Variants in MUSK observed in about 807,000 individuals in gnomAD.
MUSK encodes the protein muscle, skeletal receptor tyrosine-protein kinase.
A neutral mutation model predicts 88.7 loss-of-function variants in MUSK; 55 were observed. The ratio of observed to expected loss-of-function variants is 0.62; its 90% CI spans 0.50 to 0.78. The LOEUF (loss-of-function observed/expected upper bound fraction) is 0.78. Ranked by LOEUF, MUSK falls within the 30% of genes least tolerant of loss-of-function variation. The pLI, the probability that MUSK is intolerant of heterozygous loss-of-function variation, is 0.00. For synonymous variants in MUSK, 387 were observed against 391.9 expected (o/e 0.99, Z 0.15); for missense variants, 1,015 against 1,074.3 (o/e 0.94, Z 0.77).
At chr9:110,712,026 G>C (rs2076678399) in intron 5 of MUSK, among the ~76,000 whole-genome samples, 1 of 152,068 alleles carries the variant, frequency 6.6e-6, no homozygotes, top group South Asian at 2.1e-4. Flanking sequence ...ATCTGGCTCT[G>C]TTTGCACAGT....
intron 12 of MUSK, 37 bp from the exon 13 acceptor site, chr9:110,785,490 C>G (rs770116674): frequency 6.6e-7 from 1 of 1,520,934 alleles, no homozygotes; most frequent in Non-Finnish European, 8.9e-7. Context: ...TAACCTGCTT[C>G]TGAGCTCATT....
chr9:110,737,210 T>C (rs2077041193), intron 6 of MUSK, among the ~76,000 whole-genome samples: 1 of 152,040 alleles, frequency 6.6e-6, no homozygotes, highest in Non-Finnish European at 1.5e-5. Flanking sequence ...AAACCTACCA[T>C]GGATTTTTAT....
At position 110,803,339 on chromosome 9, in the gene MUSK, C is replaced by T. The variant is rs2078121015; in HGVS notation, c.*2351C>T. 6.6e-6 allele frequency among the ~76,000 whole-genome samples: 1 copy of T among 152,170 alleles called. No homozygotes were observed. The highest frequency in any genetic ancestry group is 2.4e-5 in the African/African-American group (1 of 41,452). On this transcript the variant is annotated 3_prime_UTR_variant, in exon 15 of 15. Coordinates refer to ENST00000374448, the MANE Select transcript of MUSK (RefSeq NM_005592.4). ...TTGTTTTGTTTTTGAGACGGAGTCT[C>T]GCTCTGTCGCCCAGGCTGGAGTGCA...
At chr9:110,760,453 T>C (rs1451450979) in intron 7 of MUSK, among the ~76,000 whole-genome samples, 1 of 152,058 alleles carries the variant, frequency 6.6e-6, no homozygotes, top group African/African-American at 2.4e-5. Context: ...AGCAAACTAA[T>C]GCAGGAACAG....
At chr9:110,755,943 TATATATAC>T (rs1317502390) in intron 7 of MUSK, among the ~76,000 whole-genome samples, 17 of 75,518 alleles carry the variant, frequency 2.3e-4, no homozygotes, top group Admixed American at 2.4e-4. Flanking sequence ...CATATATATA[TATATATAC>T]ACATATATAT....
At chr9:110,762,992 G>T (rs1381348466) in intron 8 of MUSK, among the ~76,000 whole-genome samples, 2 of 151,942 alleles carry the variant, frequency 1.3e-5, no homozygotes, top group South Asian at 2.1e-4. Context: ...TCAGAAAATG[G>T]TAAGTATGTG....
At chr9:110,688,530 G>C (rs2076227256) in intron 3 of MUSK, among the ~76,000 whole-genome samples, 1 of 151,960 alleles carries the variant, frequency 6.6e-6, no homozygotes, top group African/African-American at 2.4e-5. Flanking sequence ...GTAAACATGT[G>C]CCATGGTGGT....
rs1055785043 is a variant in MUSK at position 110,669,039 on chromosome 9, T to C, written c.79+56T>C. The C allele has an allele frequency of 1.6e-5, 23 of 1,437,242 alleles. No individual in the cohort carries two copies. In the African/African-American group the frequency reaches 2.9e-4, roughly 18 times the overall value. 89.0% of individuals were successfully genotyped at this position (1,437,242 alleles called of 1,614,324 possible). A position where few individuals can be genotyped will look rare whatever the true frequency, so the allele number is the denominator to read the frequency against. On this transcript the variant is annotated intron_variant, in intron 1 of 14. Transcript: ENST00000374448. ...TCTTGTCATGGTTGTAAAGTGTGTG[T>C]ATATGAGATATGACCAAGACTGATT...
intron 5 of MUSK, among the ~76,000 whole-genome samples, chr9:110,732,080 A>G (rs2076971884): frequency 1.3e-5 from 2 of 152,096 alleles, no homozygotes; most frequent in Non-Finnish European, 2.9e-5. Context: ...CTTTCATTCA[A>G]AAGGCGTTTT....
chr9:110,752,950 G>T (rs1342857312), intron 7 of MUSK, among the ~76,000 whole-genome samples: 1 of 152,088 alleles, frequency 6.6e-6, no homozygotes, highest in Non-Finnish European at 1.5e-5. Flanking sequence ...TTCCCCTCCA[G>T]TCACAACCCC....
intron 3 of MUSK, among the ~76,000 whole-genome samples, chr9:110,690,633 T>G (rs372635981): frequency 6.0e-3 from 46 of 7,638 alleles, no homozygotes; most frequent in Non-Finnish European, 8.0e-3. Context: ...AGTATATATA[T>G]AAATATATAT....
In MUSK at chr9:110,804,496, C is replaced by T. The variant is rs371714447; in HGVS notation, c.*3508C>T. Among the ~76,000 whole-genome samples the T allele has an allele frequency of 4.0e-5, 6 of 151,862 alleles. No homozygotes were observed. The highest frequency in any genetic ancestry group is 3.9e-4 in the East Asian group (2 of 5,184). On this transcript the variant is annotated 3_prime_UTR_variant, in exon 15 of 15. Transcript: ENST00000374448. ...CTTTTTAATTTTATTTTTTAAATTA[C>T]TAGTCAGGTTGAATGTTTCTTGTTC...
In MUSK at chr9:110,690,195, T is replaced by G. The variant is rs1413332662; in HGVS notation, c.358+2927T>G. Reference sequence around the variant, plus strand: ...ATATAAATATATATTTAAGTATATATAAATATATATAAATATATATTTAAG... The same window carrying G: ...ATATAAATATATATTTAAGTATATAGAAATATATATAAATATATATTTAAG... On this transcript the variant is annotated intron_variant, in intron 3 of 14. Transcript: ENST00000374448. Among the ~76,000 whole-genome samples, 4 of 67,648 alleles carry G rather than the reference T, an allele frequency of 5.9e-5. No homozygotes were observed. In the South Asian group the frequency reaches 1.5e-3, roughly 26 times the overall value. The allele number at this position is 67,648 out of a possible 152,430, so 44.4% of individuals were successfully genotyped here.
chr9:110,762,147 C>A, intron 7 of MUSK, 55 bp from the exon 8 acceptor site: 2 of 1,324,602 alleles, frequency 1.5e-6, no homozygotes, highest in Non-Finnish European at 2.0e-6. Context: ...TACTAACGTT[C>A]TTTCTTTTCT....
intron 10 of MUSK, 110 bp from the exon 11 acceptor site, chr9:110,776,522 A>G: frequency 3.5e-6 from 3 of 857,512 alleles, no homozygotes; most frequent in Non-Finnish European, 5.7e-6. Flanking sequence ...TTCCAGTTGT[A>G]TATTAAAAAG....
rs1217048650 is a variant in MUSK at position 110,805,556 on chromosome 9, T to G, written c.*4568T>G. On this transcript the variant is annotated 3_prime_UTR_variant, in exon 15 of 15. Transcript: ENST00000374448. ...TAAGAGCACTTTATATATTAAGGAGTTAAATTTTGTGATATATGTTTCAAC... is the reference window on the plus strand; with the variant it reads ...TAAGAGCACTTTATATATTAAGGAGGTAAATTTTGTGATATATGTTTCAAC... Among the ~76,000 whole-genome samples the G allele has an allele frequency of 4.6e-5, 7 of 151,960 alleles. No individual in the cohort carries two copies. Among genetic ancestry groups the G allele is most frequent in the Non-Finnish European group, 1.0e-4 (7 of 67,840 alleles).
At chr9:110,671,003 C>T (rs566353908) in intron 1 of MUSK, among the ~76,000 whole-genome samples, 4 of 152,180 alleles carry the variant, frequency 2.6e-5, no homozygotes, top group East Asian at 1.9e-4. Context: ...GACAGAGTCT[C>T]GTTCTGTTGC....
intron 11 of MUSK, among the ~76,000 whole-genome samples, chr9:110,781,446 T>C (rs920358248): frequency 6.6e-6 from 1 of 152,018 alleles, no homozygotes; most frequent in Non-Finnish European, 1.5e-5. Context: ...CCAGCTAATT[T>C]TTTGTATTTT....
chr9:110,747,222 C>A (rs1310315125), intron 6 of MUSK, among the ~76,000 whole-genome samples: 1 of 152,174 alleles, frequency 6.6e-6, no homozygotes, highest in Non-Finnish European at 1.5e-5. Flanking sequence ...TTCAGAATAG[C>A]CTTATGCGTA....
Sources: gnomAD v4.1 joint callset for allele counts (sites outside exome capture counted in the v4.1 genomes callset) on GRCh38, gnomAD v4.1.1 for gene constraint, MANE v1.5 for transcripts, NCBI Gene and HGNC (gene_info 2026-07-23, HGNC 2026-07-21) for gene names.